IL1R1: variants seen among roughly 807,000 people sequenced by gnomAD.
IL1R1 encodes interleukin 1 receptor type 1.
IL1R1 carries 22 observed loss-of-function variants against 50.2 expected under a neutral mutation model. The ratio of observed to expected loss-of-function variants is 0.44; its 90% CI spans 0.31 to 0.63. IL1R1 has a LOEUF of 0.63. Ranked by LOEUF, IL1R1 falls within the 20% of genes least tolerant of loss-of-function variation. The pLI, the probability that IL1R1 is intolerant of heterozygous loss-of-function variation, is 0.07. For synonymous variants in IL1R1, 251 were observed against 236.7 expected, an observed-to-expected ratio of 1.06 and a Z score of -0.55; for missense variants, 509 against 676.2, an observed-to-expected ratio of 0.75 and a Z score of 2.74.
At chr2:102,121,171 T>C (rs1265593859) in intron 1 of IL1R1, among the ~76,000 whole-genome samples, 2 of 152,192 alleles carry the variant, frequency 1.3e-5, no homozygotes, top group Admixed American at 6.5e-5. Context: ...CTGTATGCCA[T>C]TGACCCAGGG....
chr2:102,154,524 C>T (rs1359463834), intron 2 of IL1R1, among the ~76,000 whole-genome samples: 1 of 152,130 alleles, frequency 6.6e-6, no homozygotes, highest in African/African-American at 2.4e-5. Flanking sequence ...CCTGCCCCGA[C>T]CTCAGCGAGT....
rs74263613 is a variant in IL1R1, at chr2:102,163,725, C to T, written c.62-1049C>T. Among the ~76,000 whole-genome samples the T allele has an allele frequency of 1.7e-3, 265 of 152,016 alleles. 2 individuals are homozygous for T. The East Asian group carries it at 0.045, about 26-fold the overall frequency. On this transcript the variant is annotated intron_variant, in intron 3 of 11. Coordinates refer to ENST00000410023, the MANE Select transcript of IL1R1 (RefSeq NM_000877.4). ...ACTGATCGATTTTTTTCCTCCTTAT[C>T]GTTGGTTGTATGTTACTGCTTCTTT...
intron 1 of IL1R1, among the ~76,000 whole-genome samples, chr2:102,093,669 T>G (rs1295653406): frequency 6.6e-6 from 1 of 152,256 alleles, no homozygotes; most frequent in Non-Finnish European, 1.5e-5. Context: ...TTATATTTCT[T>G]GCCCATTTTT....
At chr2:102,129,980 C>G (rs1036556515) in intron 1 of IL1R1, among the ~76,000 whole-genome samples, 3 of 152,120 alleles carry the variant, frequency 2.0e-5, no homozygotes, top group African/African-American at 7.2e-5. Flanking sequence ...TAACATAAAT[C>G]TCTTTTATAA....
chr2:102,081,503 C>T (rs146955400), intron 1 of IL1R1, among the ~76,000 whole-genome samples: 2 of 152,208 alleles, frequency 1.3e-5, no homozygotes, highest in African/African-American at 2.4e-5. Context: ...TTCTAGAGTA[C>T]GAATGAGGAT....
At position 102,164,774 on chromosome 2, in the gene IL1R1, A is replaced by G. The variant is rs1685026814; in HGVS notation, c.62A>G (p.Asp21Gly). The change falls in exon 4 of 12, where the codon GAT (aspartate) becomes GGT (glycine). Residue 21 changes from aspartate (D) to glycine (G), a missense_variant and splice_region_variant. Transcript: ENST00000410023. Reference sequence around the variant, plus strand: ...GCTTCCACCCTTCTTCCTTTTAAAGATAAATGCAAGGAACGTGAAGAAAAA... The same window carrying G: ...GCTTCCACCCTTCTTCCTTTTAAAGGTAAATGCAAGGAACGTGAAGAAAAA... ...IALLISSLEA[D>G]KCKEREEKII... 2 of 1,608,756 alleles carry G rather than the reference A, an allele frequency of 1.2e-6. No individual in the cohort carries two copies. The highest frequency in any genetic ancestry group is 1.7e-6 in the Non-Finnish European group (2 of 1,176,298).
At chr2:102,097,245 G>A (rs1054902082) in intron 1 of IL1R1, among the ~76,000 whole-genome samples, 2 of 152,132 alleles carry the variant, frequency 1.3e-5, no homozygotes, top group African/African-American at 2.4e-5. Context: ...AGAAAGATAG[G>A]GATGATGGAA....
intron 3 of IL1R1, among the ~76,000 whole-genome samples, chr2:102,162,461 A>G (rs536869502): frequency 2.0e-5 from 3 of 152,262 alleles, no homozygotes; most frequent in Admixed American, 6.5e-5. Flanking sequence ...TATTTGTCCC[A>G]TCAATTCTGT....
At chr2:102,172,031 C>T (rs1339430284) in intron 8 of IL1R1, 113 bp downstream of exon 8, 2 of 88,540 alleles carry the variant, frequency 2.3e-5, no homozygotes, top group Non-Finnish European at 4.0e-5. Context: ...CCTTTGCTGC[C>T]TTTTTTTTTT....
chr2:102,147,689 C>T (rs2104469660), intron 1 of IL1R1, among the ~76,000 whole-genome samples: 1 of 152,214 alleles, frequency 6.6e-6, no homozygotes, highest in South Asian at 2.1e-4. Context: ...GTAGGTCCAT[C>T]CCCATCTGTG....
At chr2:102,081,350 G>C (rs138261466) in intron 1 of IL1R1, among the ~76,000 whole-genome samples, 1 of 152,176 alleles carries the variant, frequency 6.6e-6, no homozygotes, top group African/African-American at 2.4e-5. Context: ...GGATGGAAGA[G>C]TTTGAACCAC....
At chr2:102,122,630 T>C (rs934495753) in intron 1 of IL1R1, among the ~76,000 whole-genome samples, 6 of 152,162 alleles carry the variant, frequency 3.9e-5, no homozygotes, top group African/African-American at 1.4e-4. Flanking sequence ...AAGGGCCTCG[T>C]GAAACCCAAG....
intron 1 of IL1R1, among the ~76,000 whole-genome samples, chr2:102,085,508 G>T (rs529973802): frequency 1.3e-5 from 2 of 152,120 alleles, no homozygotes; most frequent in South Asian, 4.1e-4. Context: ...GGCGTGTTGG[G>T]CATAAATCAG....
At chr2:102,149,803 A>G (rs1286742688) in intron 1 of IL1R1, among the ~76,000 whole-genome samples, 1 of 152,098 alleles carries the variant, frequency 6.6e-6, no homozygotes, top group Non-Finnish European at 1.5e-5. Flanking sequence ...GAGGCTAGAG[A>G]CAGAGGAATG....
In IL1R1 at chr2:102,179,552, T is replaced by A. The variant is rs1686414565; in HGVS notation, c.*2793T>A. 6.5e-6 allele frequency: 1 copy of A among 152,788 alleles called. No individual in the cohort carries two copies. The highest frequency in any genetic ancestry group is 1.5e-5 in the Non-Finnish European group (1 of 68,048). 9.5% of individuals were successfully genotyped at this position (152,788 alleles called of 1,614,324 possible). A position where few individuals can be genotyped will look rare whatever the true frequency, so the allele number is the denominator to read the frequency against. On this transcript the variant is annotated 3_prime_UTR_variant, in exon 12 of 12. Coordinates refer to ENST00000410023, the MANE Select transcript of IL1R1 (RefSeq NM_000877.4). ...TTTTTTTATGGCATTTTTTTAAAGA[T>A]GCCCTAAGTGTTGAAGAAGAGTTTG... is the stretch of plus-strand genomic sequence containing the variant.
chr2:102,102,825 AG>A (rs1489915073), upstream of IL1R1, among the ~76,000 whole-genome samples: 6 of 152,236 alleles, frequency 3.9e-5, no homozygotes, highest in African/African-American at 1.4e-4. Context: ...GCCATGAAAA[AG>A]AACAAGATCA....
chr2:102,109,746 G>T (rs779446076), intron 1 of IL1R1, among the ~76,000 whole-genome samples: 1 of 152,086 alleles, frequency 6.6e-6, no homozygotes, highest in South Asian at 2.1e-4. Flanking sequence ...ACCTAGACTC[G>T]ATGGGCGTTT....
At chr2:102,113,535 T>A (rs1680897317) in intron 1 of IL1R1, among the ~76,000 whole-genome samples, 1 of 152,214 alleles carries the variant, frequency 6.6e-6, no homozygotes, top group Non-Finnish European at 1.5e-5. Context: ...TGATGTGGCT[T>A]CCCTCATTCT....
At chr2:102,098,905 T>G (rs1447147650) in intron 1 of IL1R1, among the ~76,000 whole-genome samples, 1 of 152,218 alleles carries the variant, frequency 6.6e-6, no homozygotes, top group Admixed American at 6.5e-5. Flanking sequence ...ATCAGAGAGC[T>G]GTTGAAGACA....
Sources: allele counts gnomAD v4.1 joint callset (sites outside exome capture counted in the v4.1 genomes callset), GRCh38; gene constraint gnomAD v4.1.1; transcripts MANE v1.5; gene names NCBI Gene and HGNC (gene_info 2026-07-23, HGNC 2026-07-21).